CCNA2: variants seen among roughly 807,000 people sequenced by gnomAD.
CCNA2 encodes cyclin A2, also known as cyclin-A2.
A neutral mutation model predicts 49.4 loss-of-function variants in CCNA2; 3 were observed. The observed-to-expected ratio is 0.06, with a 90% CI of 0.03 to 0.16. The LOEUF (loss-of-function observed/expected upper bound fraction) is 0.16. Among genes scored for constraint, CCNA2 ranks in the 10% least tolerant of loss-of-function variants. CCNA2 has a pLI of 1.00. For missense variants in CCNA2, 372 were observed against 519.7 expected (o/e 0.72, Z 2.76); for synonymous variants, 206 against 197.2 (o/e 1.04, Z -0.37).
chr4:121,816,878 A>G lies in CCNA2; in HGVS notation c.*760T>C, dbSNP rs753649535. ...TTAAAGCTAACAGTTGTATATCTGTATATATAACTATTAAAAGGGATATTT... is the reference window on the plus strand; with the variant it reads ...TTAAAGCTAACAGTTGTATATCTGTGTATATAACTATTAAAAGGGATATTT... On this transcript the variant is annotated 3_prime_UTR_variant, in exon 8 of 8. Transcript: ENST00000274026. 3 of 1,517,654 alleles carry G rather than the reference A, an allele frequency of 2.0e-6. No homozygotes were observed. Among genetic ancestry groups the G allele is most frequent in the Admixed American group, 2.2e-5 (1 of 44,854 alleles). 94.0% of individuals were successfully genotyped at this position (1,517,654 alleles called of 1,614,324 possible).
chr4:121,822,521 C>T lies in CCNA2; in HGVS notation c.339G>A (p.Lys113=). The T allele has an allele frequency of 6.2e-7, 1 of 1,614,126 alleles. No individual in the cohort carries two copies. The highest frequency in any genetic ancestry group is 2.2e-5 in the East Asian group (1 of 44,878). ...GCTCTATTTTTTGAGATTCAGCTGG[C>T]TTCTTCTGAGCTTCTTTTTCTGCTT... ...VDEAEKEAQK[K]PAESQKIERE... The change falls in exon 2 of 8, where the codon AAG becomes AAA. Residue 113 remains lysine, a synonymous_variant. Transcript: ENST00000274026.
rs1578511956 is a variant in CCNA2, at chr4:121,818,264, A to C, written c.1117-87T>G. 3.4e-6 allele frequency: 4 copies of C among 1,188,168 alleles called. No homozygotes were observed. The East Asian group carries it at 9.7e-5, about 29-fold the overall frequency. 73.6% of individuals were successfully genotyped at this position (1,188,168 alleles called of 1,614,324 possible). ...AATAGTTGGCATTAAGCTTATGTTA[A>C]ATTCCAGTACTAATCTTTAACTTTT... On this transcript the variant is annotated intron_variant, in intron 6 of 7. Transcript: ENST00000274026.
At position 121,816,803 on chromosome 4, in the gene CCNA2, G is replaced by T. The variant is rs1433318867; in HGVS notation, c.*835C>A. ...GACCACCAGTGCAAAACAAGAAAAAGCACCAAGTAAAAAGCCAGTGAAAAG... is the reference window on the plus strand; with the variant it reads ...GACCACCAGTGCAAAACAAGAAAAATCACCAAGTAAAAAGCCAGTGAAAAG... On this transcript the variant is annotated 3_prime_UTR_variant, in exon 8 of 8. Transcript: ENST00000274026. 1.2e-6 allele frequency: 2 copies of T among 1,601,710 alleles called. No individual in the cohort carries two copies. Among genetic ancestry groups the T allele is most frequent in the African/African-American group, 2.7e-5 (2 of 74,006 alleles).
chr4:121,820,462 A>G lies in CCNA2; in HGVS notation c.794+80T>C. On this transcript the variant is annotated intron_variant, in intron 4 of 7. Coordinates refer to ENST00000274026, the MANE Select transcript of CCNA2 (RefSeq NM_001237.5). This position sits in a 1 kb window ranked among gnomAD's most constrained non-coding sequence, Gnocchi z 4.1. ...CACTGACTCTGCCTGGTGTATGTTA[A>G]AAGGTCACCATTAAAAAAATCAATT... 1.0e-6 allele frequency: 1 copy of G among 1,004,142 alleles called. No individual in the cohort carries two copies. Among genetic ancestry groups the G allele is most frequent in the South Asian group, 1.5e-5 (1 of 65,264 alleles). The allele number at this position is 1,004,142 out of a possible 1,614,324, so 62.2% of individuals were successfully genotyped here. A position where few individuals can be genotyped will look rare whatever the true frequency, so the allele number is the denominator to read the frequency against.
chr4:121,816,664 A>T lies in CCNA2; in HGVS notation c.*974T>A. ...AACTTCTTGGATGCCAGTCTTACTC[A>T]TAGCTGACACATTTTAGATCCTACT... On this transcript the variant is annotated 3_prime_UTR_variant, in exon 8 of 8. Coordinates refer to ENST00000274026, the MANE Select transcript of CCNA2 (RefSeq NM_001237.5). The T allele has an allele frequency of 8.7e-7, 1 of 1,153,920 alleles. No individual in the cohort carries two copies. Among genetic ancestry groups the T allele is most frequent in the Non-Finnish European group, 1.2e-6 (1 of 840,380 alleles). 71.5% of individuals were successfully genotyped at this position (1,153,920 alleles called of 1,614,324 possible).
rs367739697 is a variant in CCNA2, at chr4:121,817,801, C to T, written c.1251-115G>A. On this transcript the variant is annotated intron_variant, in intron 7 of 7. Transcript: ENST00000274026. ...CTAAAAAATGCTATTTCTGTCTGAC[C>T]GACTTGATGGTTTTAGAAACACTGT... is the stretch of plus-strand genomic sequence containing the variant. The T allele has an allele frequency of 8.4e-5, 118 of 1,410,608 alleles. No homozygotes were observed. The African/African-American group carries it at 9.0e-4, about 11-fold the overall frequency. 87.4% of individuals were successfully genotyped at this position (1,410,608 alleles called of 1,614,324 possible). A position where few individuals can be genotyped will look rare whatever the true frequency, so the allele number is the denominator to read the frequency against.
chr4:121,817,591 T>C lies in CCNA2; in HGVS notation c.*47A>G. 1 of 1,611,576 alleles carries C rather than the reference T, an allele frequency of 6.2e-7. No homozygotes were observed. Among genetic ancestry groups the C allele is most frequent in the South Asian group, 1.1e-5 (1 of 90,902 alleles). ...CCTAAGTTAAAAACTGTACACCATA[T>C]ACTTTGAGTGATTTACATCTTAGAA... On this transcript the variant is annotated 3_prime_UTR_variant, in exon 8 of 8. Transcript: ENST00000274026.
At position 121,816,502 on chromosome 4, in the gene CCNA2, G is replaced by T. The variant is rs1038516018; in HGVS notation, c.*1136C>A. ...ATACATATACTCAACACTTATAGAG[G>T]TTTGCTCTCTGGTTTTACTCTCATC... On this transcript the variant is annotated 3_prime_UTR_variant, in exon 8 of 8. Coordinates refer to ENST00000274026, the MANE Select transcript of CCNA2 (RefSeq NM_001237.5). The T allele has an allele frequency of 4.0e-5, 47 of 1,173,374 alleles. No homozygotes were observed. Among genetic ancestry groups the T allele is most frequent in the South Asian group, 3.2e-4 (22 of 68,876 alleles). The allele number at this position is 1,173,374 out of a possible 1,614,324, so 72.7% of individuals were successfully genotyped here. A position where few individuals can be genotyped will look rare whatever the true frequency, so the allele number is the denominator to read the frequency against.
intron 4 of CCNA2, among the ~76,000 whole-genome samples, chr4:121,819,869 GA>G (rs1724641935): frequency 6.6e-6 from 1 of 151,614 alleles, no homozygotes; most frequent in Non-Finnish European, 1.5e-5. Context: ...CCAAGTAGCT[GA>G]AAATTTAGGA....
rs1340021834 is a variant in CCNA2, at chr4:121,820,789, G to A, written c.571-24C>T. The A allele has an allele frequency of 6.6e-7, 1 of 1,512,836 alleles. No individual in the cohort carries two copies. The highest frequency in any genetic ancestry group is 9.1e-7 in the Non-Finnish European group (1 of 1,097,314). 93.7% of individuals were successfully genotyped at this position (1,512,836 alleles called of 1,614,324 possible). A position where few individuals can be genotyped will look rare whatever the true frequency, so the allele number is the denominator to read the frequency against. ...ACCTATTGAGAAAATTATTTATAGT[G>A]TTAAAATTATTCTAGTGTAAAAACT... On this transcript the variant is annotated intron_variant, in intron 3 of 7. Coordinates refer to ENST00000274026, the MANE Select transcript of CCNA2 (RefSeq NM_001237.5). The surrounding 1 kb of genome is among the most constrained non-coding windows in gnomAD (Gnocchi z 4.1).
At position 121,816,970 on chromosome 4, in the gene CCNA2, A is replaced by AAAAT; in HGVS notation, c.*664_*667dup. The AAAAT allele has an allele frequency of 9.0e-7, 1 of 1,113,224 alleles. No individual in the cohort carries two copies. The highest frequency in any genetic ancestry group is 2.1e-5 in the South Asian group (1 of 48,070). 69.0% of individuals were successfully genotyped at this position (1,113,224 alleles called of 1,614,324 possible). A position where few individuals can be genotyped will look rare whatever the true frequency, so the allele number is the denominator to read the frequency against. ...CATTATAAAATCTAGCAGGATTTTA[A>AAAAT]AAATAGTTTTTTGTTTTTAATGTGC... is the stretch of plus-strand genomic sequence containing the variant. On this transcript the variant is annotated 3_prime_UTR_variant, in exon 8 of 8. Coordinates refer to ENST00000274026, the MANE Select transcript of CCNA2 (RefSeq NM_001237.5).
chr4:121,822,968 G>A (rs1724728935), intron 1 of CCNA2, among the ~76,000 whole-genome samples: 1 of 152,194 alleles, frequency 6.6e-6, no homozygotes, highest in Non-Finnish European at 1.5e-5. Context: ...CGAGGGTGGA[G>A]CAACAGAGCA....
intron 1 of CCNA2, 29 bp from the exon 2 acceptor site, chr4:121,822,675 G>C (rs776541235): frequency 6.2e-7 from 1 of 1,605,262 alleles, no homozygotes; most frequent in South Asian, 1.1e-5. Flanking sequence ...CTGGCTTTGA[G>C]CCTACTAGTC....
At chr4:121,819,190 G>A (rs1724629699) in intron 5 of CCNA2, among the ~76,000 whole-genome samples, 182 bp downstream of exon 5, 1 of 152,126 alleles carries the variant, frequency 6.6e-6, no homozygotes, top group African/African-American at 2.4e-5. Context: ...GTGCTTTCCT[G>A]ATATAGATTA....
Position 121,820,519 on chromosome 4 carries a change from TAAAC to T in CCNA2, c.794+19_794+22del. The stretch of plus-strand genomic sequence containing the variant: ...CTAGACAAAAGGTCGTGATCACTTT[TAAAC>T]AAACCAAGGTAGACTTACGAGGCTA... On this transcript the variant is annotated intron_variant, in intron 4 of 7. Coordinates refer to ENST00000274026, the MANE Select transcript of CCNA2 (RefSeq NM_001237.5). The surrounding 1 kb of genome is among the most constrained non-coding windows in gnomAD (Gnocchi z 4.1). 6.4e-7 allele frequency: 1 copy of T among 1,573,114 alleles called. No homozygotes were observed. The highest frequency in any genetic ancestry group is 8.7e-7 in the Non-Finnish European group (1 of 1,150,996).
Position 121,818,793 on chromosome 4 carries a change from T to C in CCNA2, c.1116+7A>G, listed in dbSNP as rs1560631606. ...CAAGATAGGTGTGTGAAGACCGTAA[T>C]ACATACCCAGCTTTGTCCCGTGACT... On this transcript the variant is annotated splice_region_variant and intron_variant, in intron 6 of 7. Coordinates refer to ENST00000274026, the MANE Select transcript of CCNA2 (RefSeq NM_001237.5). 6.4e-7 allele frequency: 1 copy of C among 1,559,716 alleles called. No individual in the cohort carries two copies. The highest frequency in any genetic ancestry group is 2.2e-5 in the East Asian group (1 of 44,588).
intron 1 of CCNA2, 98 bp from the exon 2 acceptor site, chr4:121,822,744 G>T (rs1241885606): frequency 1.6e-6 from 2 of 1,228,524 alleles, no homozygotes; most frequent in Non-Finnish European, 2.3e-6. Flanking sequence ...ACTCTATCAG[G>T]AATTAAACTT....
At chr4:121,817,828 T>A in intron 7 of CCNA2, 142 bp from the exon 8 acceptor site, 1 of 1,258,656 alleles carries the variant, frequency 7.9e-7, no homozygotes, top group Non-Finnish European at 1.1e-6. Flanking sequence ...AAACACTGTC[T>A]GGTCCCTGAA....
Position 121,816,842 on chromosome 4 carries a change from A to AGAGCTGCCAATTAAAGCTAACAGTTGT in CCNA2, c.*769_*795dup. Reference sequence around the variant, plus strand: ...GCCAGTGAAAAGAAGAAAAAAGAAGAGAGCTGCCAATTAAAGCTAACAGTT... The same window carrying AGAGCTGCCAATTAAAGCTAACAGTTGT: ...GCCAGTGAAAAGAAGAAAAAAGAAGAGAGCTGCCAATTAAAGCTAACAGTTGTGAGCTGCCAATTAAAGCTAACAGTT... On this transcript the variant is annotated 3_prime_UTR_variant, in exon 8 of 8. Transcript: ENST00000274026. 6.3e-7 allele frequency: 1 copy of AGAGCTGCCAATTAAAGCTAACAGTTGT among 1,591,052 alleles called. No individual in the cohort carries two copies. Among genetic ancestry groups the AGAGCTGCCAATTAAAGCTAACAGTTGT allele is most frequent in the Non-Finnish European group, 8.6e-7 (1 of 1,166,308 alleles).
Sources: gnomAD v4.1 joint callset for allele counts (sites outside exome capture counted in the v4.1 genomes callset) on GRCh38, gnomAD v4.1.1 for gene constraint, Gnocchi (gnomAD v3.1) non-coding constraint, MANE v1.5 for transcripts, NCBI Gene and HGNC (gene_info 2026-07-23, HGNC 2026-07-21) for gene names.